Variants in DYSF observed in about 807,000 individuals in gnomAD.
DYSF encodes dystrophy-associated fer-1-like 1.
In DYSF, 212 loss-of-function variants were observed where a neutral mutation model predicts 274.9. That is an observed-to-expected ratio of 0.77 (90% CI 0.69 to 0.86). The LOEUF (loss-of-function observed/expected upper bound fraction) is 0.86, where lower values mean the gene tolerates loss of function less well. Ranked by LOEUF, DYSF falls within the 40% of genes least tolerant of loss-of-function variation. The pLI is 0.00. For missense variants in DYSF, 2,666 were observed against 2,783.2 expected (o/e 0.96, Z 0.95); for synonymous variants, 1,091 against 1,078.7 (o/e 1.01, Z -0.22).
intron 40 of DYSF, among the ~76,000 whole-genome samples, chr2:71,618,250 TG>T (rs1234767615): frequency 3.2e-5 from 1 of 30,896 alleles, no homozygotes; most frequent in Non-Finnish European, 6.1e-5. Flanking sequence ...GTGGTAGAGG[TG>T]GCGTGTGTGG....
chr2:71,520,104 C>A, intron 10 of DYSF, 74 bp from the exon 11 acceptor site: 1 of 1,561,464 alleles, frequency 6.4e-7, no homozygotes, highest in Non-Finnish European at 8.8e-7. Context: ...TTAATGGAAT[C>A]ATATAATGCA....
intron 3 of DYSF, among the ~76,000 whole-genome samples, chr2:71,485,366 G>A (rs1573439108): frequency 6.6e-6 from 1 of 152,178 alleles, no homozygotes; most frequent in East Asian, 1.9e-4. Context: ...GACCAGCCTG[G>A]CCAAGATGGT....
At chr2:71,541,561 CTT>C (rs1056070082) in intron 17 of DYSF, among the ~76,000 whole-genome samples, 24 of 151,478 alleles carry the variant, frequency 1.6e-4, no homozygotes, top group African/African-American at 5.8e-4. Context: ...CTTTATTGGA[CTT>C]TTAATCTTTG....
At chr2:71,622,698 C>T (rs1256444065) in intron 41 of DYSF, among the ~76,000 whole-genome samples, 1 of 152,300 alleles carries the variant, frequency 6.6e-6, no homozygotes, top group African/African-American at 2.4e-5. Flanking sequence ...TCACTGCAAC[C>T]TCTGCCTCCT....
intron 17 of DYSF, among the ~76,000 whole-genome samples, chr2:71,542,687 G>C (rs1164724916): frequency 2.0e-5 from 3 of 152,116 alleles, no homozygotes; most frequent in Non-Finnish European, 2.9e-5. Context: ...CACCGGGTTG[G>C]GGGTAAGGTC....
intron 32 of DYSF, among the ~76,000 whole-genome samples, chr2:71,593,128 T>C (rs372631848): frequency 2.6e-5 from 3 of 115,548 alleles, no homozygotes; most frequent in African/African-American, 1.3e-4. Context: ...GTGACTTCTT[T>C]TTTTTTTTTT....
At chr2:71,667,237 A>ATC in intron 47 of DYSF, 139 bp from the exon 48 acceptor site, 1 of 1,191,222 alleles carries the variant, frequency 8.4e-7, no homozygotes, top group East Asian at 2.3e-5. Flanking sequence ...GAAAAAGTGC[A>ATC]TCTGTGCTGG....
chr2:71,503,282 A>G lies in DYSF; in HGVS notation c.308A>G (p.Asn103Ser), dbSNP rs201834175. Residue 103 changes from asparagine to serine, a missense_variant, in exon 4 of 56, where the codon AAT becomes AGT. Transcript: ENST00000410020. ...LATPSLSASF[N>S]APLLDTKKQP... ...ACCCCTAGTCTGTCCGCCAGCTTCA[A>G]TGCCCCCCTGCTGGACACCAAGAAG... 2.9e-4 allele frequency: 469 copies of G among 1,614,070 alleles called. 1 individual carries two copies. Among genetic ancestry groups the G allele is most frequent in the Non-Finnish European group, 3.7e-4 (442 of 1,179,978 alleles).
At chr2:71,633,626 C>T (rs2094349646) in intron 41 of DYSF, among the ~76,000 whole-genome samples, 3 of 152,168 alleles carry the variant, frequency 2.0e-5, no homozygotes, top group African/African-American at 7.2e-5. Flanking sequence ...ACTTTCAGCA[C>T]AGTCTAGGAT....
intron 1 of DYSF, among the ~76,000 whole-genome samples, chr2:71,459,563 C>T: frequency 6.6e-6 from 1 of 152,164 alleles, no homozygotes. Flanking sequence ...CCAGGTGCCA[C>T]ATTCTCTGAT....
chr2:71,476,812 C>T (rs532970059), intron 1 of DYSF, among the ~76,000 whole-genome samples: 7 of 144,876 alleles, frequency 4.8e-5, no homozygotes, highest in South Asian at 2.2e-4. Context: ...AGTGACAAAC[C>T]GAACTAGCTG....
At chr2:71,631,513 G>C (rs562222299) in intron 41 of DYSF, among the ~76,000 whole-genome samples, 3 of 152,136 alleles carry the variant, frequency 2.0e-5, no homozygotes, top group Non-Finnish European at 4.4e-5. Context: ...TTTGATGCCC[G>C]TCACTGGTGT....
At chr2:71,544,395 G>C (rs971824794) in intron 17 of DYSF, among the ~76,000 whole-genome samples, 1 of 151,954 alleles carries the variant, frequency 6.6e-6, no homozygotes, top group Non-Finnish European at 1.5e-5. Context: ...AGATCTGTAG[G>C]AGACCTCTAG....
intron 30 of DYSF, among the ~76,000 whole-genome samples, chr2:71,584,582 C>G (rs993846068): frequency 9.8e-5 from 15 of 152,312 alleles, no homozygotes; most frequent in African/African-American, 3.4e-4. Flanking sequence ...GACCTTAGGC[C>G]TGGGTGCTGC....
chr2:71,569,379 C>T (rs2092298295), intron 26 of DYSF, among the ~76,000 whole-genome samples: 1 of 152,082 alleles, frequency 6.6e-6, no homozygotes, highest in South Asian at 2.1e-4. Flanking sequence ...GCCGCCTTTG[C>T]CTCTCTCTCC....
chr2:71,608,950 C>T (rs1337517700), intron 36 of DYSF, among the ~76,000 whole-genome samples: 1 of 150,744 alleles, frequency 6.6e-6, no homozygotes, highest in Non-Finnish European at 1.5e-5. Flanking sequence ...TTTTTTGGCC[C>T]CTCTTTGTCT....
rs72900901 is a variant in DYSF, at chr2:71,573,726, C to T, written c.3229-472C>T. On this transcript the variant is annotated intron_variant, in intron 29 of 55. Transcript: ENST00000410020. ...AAGCAAGTTAAAAGCCCAGTGTTTTCGTCACTGCGTCAGCCTACCTTCCTT... is the reference window on the plus strand; with the variant it reads ...AAGCAAGTTAAAAGCCCAGTGTTTTTGTCACTGCGTCAGCCTACCTTCCTT... Among the ~76,000 whole-genome samples the T allele has an allele frequency of 5.5e-3, 840 of 152,306 alleles. 15 individuals carry two copies. The highest frequency in any genetic ancestry group is 0.02 in the African/African-American group (815 of 41,562).
intron 3 of DYSF, among the ~76,000 whole-genome samples, chr2:71,493,982 A>G (rs531616341): frequency 3.3e-5 from 5 of 151,936 alleles, no homozygotes; most frequent in Non-Finnish European, 5.9e-5. Context: ...TACAAGGGTG[A>G]TTCTGGTCCA....
chr2:71,552,040 A>G (rs2090988408), intron 19 of DYSF, among the ~76,000 whole-genome samples: 1 of 152,222 alleles, frequency 6.6e-6, no homozygotes. Flanking sequence ...TAAGCACTGA[A>G]CATGTATCAG....
Sources: allele counts gnomAD v4.1 joint callset (sites outside exome capture counted in the v4.1 genomes callset), GRCh38; gene constraint gnomAD v4.1.1; transcripts MANE v1.5; gene names NCBI Gene and HGNC (gene_info 2026-07-23, HGNC 2026-07-21).